Variants in ADAMTS12 observed in about 807,000 individuals in gnomAD.
ADAMTS12 encodes ADAM metallopeptidase with thrombospondin type 1 motif 12.
Under a neutral mutation model 167.8 loss-of-function variants are expected in ADAMTS12, and 118 were observed. That is an observed-to-expected ratio of 0.70 (90% CI 0.61 to 0.82). ADAMTS12 has a LOEUF of 0.82. Ranked by LOEUF, ADAMTS12 falls within the 40% of genes least tolerant of loss-of-function variation. The pLI is 0.00. For synonymous variants in ADAMTS12, 704 were observed against 716.9 expected (o/e 0.98, Z 0.29); for missense variants, 1,916 against 1,998.8 (o/e 0.96, Z 0.79).
chr5:33,860,557 C>T (rs1749572093), intron 2 of ADAMTS12, among the ~76,000 whole-genome samples: 1 of 152,048 alleles, frequency 6.6e-6, no homozygotes. Context: ...CTGAAAGTGT[C>T]GAGGAGAATG....
chr5:33,536,065 C>T (rs975956663), intron 22 of ADAMTS12, among the ~76,000 whole-genome samples: 16 of 152,118 alleles, frequency 1.1e-4, no homozygotes, highest in Non-Finnish European at 2.1e-4. Context: ...AGAAAATGTG[C>T]CTGAATTTAC....
At chr5:33,764,418 T>G (rs1745460865) in intron 2 of ADAMTS12, among the ~76,000 whole-genome samples, 1 of 152,248 alleles carries the variant, frequency 6.6e-6, no homozygotes, top group Admixed American at 6.5e-5. Context: ...CTTCCATTCC[T>G]TTCAACCATT....
chr5:33,794,682 C>A (rs1356943770), intron 2 of ADAMTS12, among the ~76,000 whole-genome samples: 1 of 152,186 alleles, frequency 6.6e-6, no homozygotes, highest in Non-Finnish European at 1.5e-5. Context: ...AGTAGCAGAA[C>A]CAGCAGCAGC....
At chr5:33,861,557 A>C (rs1749616945) in intron 2 of ADAMTS12, among the ~76,000 whole-genome samples, 1 of 152,334 alleles carries the variant, frequency 6.6e-6, no homozygotes, top group South Asian at 2.1e-4. Context: ...AAAGAGACTT[A>C]GACTCCCACA....
intron 3 of ADAMTS12, among the ~76,000 whole-genome samples, chr5:33,684,940 A>G (rs77943532): frequency 0.034 from 5,227 of 152,326 alleles, 306 homozygotes; most frequent in African/African-American, 0.12. Context: ...TACTTCGCAC[A>G]TCAGGAAGCA....
At chr5:33,728,165 C>T (rs1744054153) in intron 3 of ADAMTS12, among the ~76,000 whole-genome samples, 1 of 152,178 alleles carries the variant, frequency 6.6e-6, no homozygotes, top group Non-Finnish European at 1.5e-5. Context: ...TCCTCTTCCC[C>T]TAGAAGGAGG....
chr5:33,623,591 T>C (rs1343498877), intron 14 of ADAMTS12, among the ~76,000 whole-genome samples: 1 of 152,170 alleles, frequency 6.6e-6, no homozygotes, highest in East Asian at 1.9e-4. Flanking sequence ...AAAAGGTGAC[T>C]ATGGGAAAAG....
intron 2 of ADAMTS12, among the ~76,000 whole-genome samples, chr5:33,783,301 G>T (rs1746208809): frequency 6.6e-6 from 1 of 151,576 alleles, no homozygotes; most frequent in Admixed American, 6.6e-5. Context: ...AATTAGAAAA[G>T]AAGAAAGCTA....
intron 10 of ADAMTS12, 50 bp from the exon 11 acceptor site, chr5:33,642,005 C>T (rs1740477670): frequency 1.3e-6 from 2 of 1,536,708 alleles, no homozygotes; most frequent in Non-Finnish European, 1.8e-6. Flanking sequence ...GTTACCAGAG[C>T]AAGCTGAGCC....
At chr5:33,637,786 C>A (rs4076946) in intron 11 of ADAMTS12, 40 bp from the exon 12 acceptor site, 1,227,363 of 1,601,544 alleles carry the variant, frequency 0.77, 478,339 homozygotes, top group Non-Finnish European at 0.81. Context: ...TAGTTTGCTT[C>A]AACGCCAGCA....
intron 12 of ADAMTS12, among the ~76,000 whole-genome samples, chr5:33,631,366 G>C (rs1490757395): frequency 1.3e-5 from 2 of 152,108 alleles, no homozygotes; most frequent in African/African-American, 4.8e-5. Context: ...CCCTCCCACA[G>C]AGCCAGCTCA....
intron 20 of ADAMTS12, among the ~76,000 whole-genome samples, chr5:33,549,658 C>CTA (rs1196823734): frequency 3.9e-5 from 6 of 152,238 alleles, no homozygotes; most frequent in Admixed American, 3.9e-4. Flanking sequence ...TGTCCCATCT[C>CTA]TAAACTGGGA....
chr5:33,591,708 T>C (rs763847041), intron 17 of ADAMTS12, among the ~76,000 whole-genome samples: 34 of 152,194 alleles, frequency 2.2e-4, no homozygotes, highest in Non-Finnish European at 3.7e-4. Flanking sequence ...AACGATCTTA[T>C]TCCTTTCATT....
intron 19 of ADAMTS12, among the ~76,000 whole-genome samples, chr5:33,573,099 A>G (rs1746476569): frequency 6.6e-6 from 1 of 152,228 alleles, no homozygotes; most frequent in Admixed American, 6.5e-5. Context: ...GAAATAAAAC[A>G]GGATACAAAG....
intron 2 of ADAMTS12, among the ~76,000 whole-genome samples, chr5:33,810,794 T>C (rs1747429356): frequency 6.6e-6 from 1 of 152,212 alleles, no homozygotes; most frequent in Non-Finnish European, 1.5e-5. Flanking sequence ...TATCTTTACT[T>C]GACTCAACAA....
At chr5:33,668,387 G>A (rs182892701) in intron 5 of ADAMTS12, among the ~76,000 whole-genome samples, 2 of 152,224 alleles carry the variant, frequency 1.3e-5, no homozygotes, top group East Asian at 3.9e-4. Context: ...CCATTGTAAG[G>A]GGACACCTGT....
intron 3 of ADAMTS12, among the ~76,000 whole-genome samples, chr5:33,740,583 G>A (rs1744531031): frequency 6.6e-6 from 1 of 152,298 alleles, no homozygotes; most frequent in South Asian, 2.1e-4. Context: ...GCCATCTTGG[G>A]ATGGGGGGGA....
intron 3 of ADAMTS12, among the ~76,000 whole-genome samples, chr5:33,699,788 C>T (rs752188784): frequency 1.3e-5 from 2 of 151,962 alleles, no homozygotes; most frequent in Non-Finnish European, 2.9e-5. Flanking sequence ...AACTACCTAT[C>T]GGGAGAAAAT....
intron 2 of ADAMTS12, chr5:33,840,184 T>C (rs1037238488): frequency 1.3e-5 from 2 of 152,242 alleles, no homozygotes; most frequent in African/African-American, 4.8e-5. Context: ...GGGTGATCTC[T>C]GGCCAGGATG....
Sources: gnomAD v4.1 joint callset for allele counts (sites outside exome capture counted in the v4.1 genomes callset) on GRCh38, gnomAD v4.1.1 for gene constraint, MANE v1.5 for transcripts, NCBI Gene and HGNC (gene_info 2026-07-23, HGNC 2026-07-21) for gene names.